The following PCDHA2 variants were observed in gnomAD, a reference collection of about 807,000 sequenced individuals.
PCDHA2 encodes protocadherin alpha-2.
PCDHA2 carries 58 observed loss-of-function variants against 66.0 expected under a neutral mutation model. The observed-to-expected ratio is 0.88, with a 90% confidence interval of 0.71 to 1.09. PCDHA2 has a LOEUF of 1.09. Among genes scored for constraint, PCDHA2 ranks in the 50% least tolerant of loss-of-function variants. The pLI is 0.00. For synonymous variants in PCDHA2, 634 were observed against 554.0 expected, an observed-to-expected ratio of 1.14 and a Z score of -2.03; for missense variants, 1,267 against 1,242.3, an observed-to-expected ratio of 1.02 and a Z score of -0.30.
chr5:141,010,016 CT>C lies in PCDHA2; in HGVS notation c.*84del. 1 of 1,572,200 alleles carries C rather than the reference CT, an allele frequency of 6.4e-7. No homozygotes were observed. The highest frequency in any genetic ancestry group is 8.6e-7 in the Non-Finnish European group (1 of 1,163,240). On this transcript the variant is annotated 3_prime_UTR_variant, in exon 4 of 4. Transcript: ENST00000526136. Reference sequence around the variant, plus strand: ...TCTCCCATGTAGCAATTCCCTGCTCCTTTTTCCTATCTACATGAGCCCTCTT... The same window carrying C: ...TCTCCCATGTAGCAATTCCCTGCTCCTTTTCCTATCTACATGAGCCCTCTT...
At chr5:140,826,181 T>C (rs2150142840) in intron 1 of PCDHA2, among the ~76,000 whole-genome samples, 1 of 152,354 alleles carries the variant, frequency 6.6e-6, no homozygotes, top group Admixed American at 6.5e-5. Context: ...ATTCTATAAA[T>C]CTAAAGTTAA....
intron 1 of PCDHA2, among the ~76,000 whole-genome samples, chr5:140,915,626 G>C (rs928151112): frequency 6.1e-5 from 9 of 146,436 alleles, no homozygotes; most frequent in East Asian, 4.1e-4. Flanking sequence ...GTCTCTTTCT[G>C]TCTCTCTCTC....
At chr5:141,004,156 A>G (rs2098155888) in intron 3 of PCDHA2, among the ~76,000 whole-genome samples, 1 of 152,248 alleles carries the variant, frequency 6.6e-6, no homozygotes, top group Admixed American at 6.5e-5. Flanking sequence ...GACATTTTAT[A>G]GGCAAAGCCA....
chr5:140,807,812 T>G, intron 1 of PCDHA2: 1 of 1,614,156 alleles, frequency 6.2e-7, no homozygotes, highest in African/African-American at 1.3e-5. Flanking sequence ...TCCGGAGATT[T>G]TTTTAGTGCT....
intron 1 of PCDHA2, among the ~76,000 whole-genome samples, chr5:140,959,018 A>T (rs1374346226): frequency 6.6e-6 from 1 of 152,078 alleles, no homozygotes; most frequent in Non-Finnish European, 1.5e-5. Flanking sequence ...TTTATACATT[A>T]AGCTTTATCA....
chr5:140,968,232 G>T, intron 1 of PCDHA2: 2 of 1,613,990 alleles, frequency 1.2e-6, no homozygotes, highest in Non-Finnish European at 1.7e-6. Context: ...GTGTTGCTCT[G>T]TACTGTGCAA....
intron 1 of PCDHA2, chr5:140,803,344 T>A: frequency 6.2e-7 from 1 of 1,614,200 alleles, no homozygotes; most frequent in Middle Eastern, 1.6e-4. Flanking sequence ...CTCACACTGC[T>A]GCTATATACT....
At chr5:140,869,772 T>A (rs1554163433) in intron 1 of PCDHA2, 1 of 1,613,190 alleles carries the variant, frequency 6.2e-7, no homozygotes, top group Non-Finnish European at 8.5e-7. Context: ...CAGAGCTTAC[T>A]GGCACCGTTC....
Position 140,795,261 on chromosome 5 carries a change from C to A in PCDHA2, c.297C>A (p.Ser99Arg), listed in dbSNP as rs1307136021. Residue 99 changes from serine to arginine, a missense_variant, in exon 1 of 4, where the codon AGC (serine) becomes AGA (arginine). By Grantham distance (110) the Ser-to-Arg change is moderately radical. Transcript: ENST00000526136. ...RIDREELCGR[S>R]AECSIHVEVI... is the part of the protein sequence containing the mutation. ...ACCGGGAGGAGCTGTGCGGGCGGAG[C>A]GCGGAATGTAGCATCCACGTGGAGG... The A allele has an allele frequency of 6.2e-7, 1 of 1,614,168 alleles. No individual in the cohort carries two copies. The highest frequency in any genetic ancestry group is 1.1e-5 in the South Asian group (1 of 91,080).
chr5:140,808,765 G>A (rs1409936636), intron 1 of PCDHA2: 8 of 1,612,208 alleles, frequency 5.0e-6, no homozygotes, highest in Non-Finnish European at 6.8e-6. Flanking sequence ...TGGACCACGA[G>A]GAGCTAGAGC....
intron 1 of PCDHA2, chr5:140,860,925 G>A (rs2046658234): frequency 6.6e-6 from 1 of 152,286 alleles, no homozygotes; most frequent in Non-Finnish European, 1.5e-5. Context: ...TTTTAGTAGA[G>A]ACGAGGTTTC....
chr5:140,896,687 T>G (rs782089227), intron 1 of PCDHA2, among the ~76,000 whole-genome samples: 2 of 152,170 alleles, frequency 1.3e-5, no homozygotes, highest in Non-Finnish European at 2.9e-5. Context: ...CTTTGCCCAT[T>G]TTTTGATGAG....
intron 1 of PCDHA2, among the ~76,000 whole-genome samples, chr5:140,826,618 T>C (rs935970979): frequency 1.3e-5 from 2 of 152,148 alleles, no homozygotes; most frequent in African/African-American, 4.8e-5. Context: ...GCGAAGTTGA[T>C]ATTTGGCCCT....
intron 2 of PCDHA2, 129 bp from the exon 3 acceptor site, chr5:140,982,346 G>A: frequency 1.3e-6 from 2 of 1,492,346 alleles, no homozygotes; most frequent in South Asian, 2.7e-5. Context: ...AATTGCTTCA[G>A]TTCAAGCATG....
intron 1 of PCDHA2, chr5:140,883,651 G>T: frequency 6.2e-7 from 1 of 1,613,652 alleles, no homozygotes. Context: ...CCGAGTACAC[G>T]GTGTTCGTGA....
In PCDHA2 at chr5:141,010,806, C is replaced by T. The variant is rs1404036886; in HGVS notation, c.*869C>T. ...GCAAAAGCAAAAGAAAACCCCGACA[C>T]CTCACCTTTCGCTGTTTGTTGTTTC... On this transcript the variant is annotated 3_prime_UTR_variant, in exon 4 of 4. Transcript: ENST00000526136. 2 of 153,736 alleles carry T rather than the reference C, an allele frequency of 1.3e-5. No individual in the cohort carries two copies. Among genetic ancestry groups the T allele is most frequent in the Non-Finnish European group, 1.5e-5 (1 of 68,048 alleles). 9.5% of individuals were successfully genotyped at this position (153,736 alleles called of 1,614,324 possible).
intron 1 of PCDHA2, chr5:140,857,783 C>G: frequency 1.3e-6 from 2 of 1,597,710 alleles, no homozygotes; most frequent in Middle Eastern, 1.7e-4. Flanking sequence ...AGTCAGTGAG[C>G]TGGTGCTGCG....
Position 140,850,923 on chromosome 5 carries a change from A to T in PCDHA2, c.2388+53571A>T, listed in dbSNP as rs2150502523. The stretch of plus-strand genomic sequence containing the variant: ...TTCTAGCATTTTATTTATTTATATA[A>T]TTTTTTTTCTTGAAAGATATTATCG... On this transcript the variant is annotated intron_variant, in intron 1 of 3. Transcript: ENST00000526136. 9.9e-6 allele frequency: 15 copies of T among 1,521,828 alleles called. 1 individual carries two copies. In the African/African-American group the frequency reaches 1.4e-4, roughly 14 times the overall value. The allele number at this position is 1,521,828 out of a possible 1,614,324, so 94.3% of individuals were successfully genotyped here.
chr5:140,991,386 G>T (rs1044991848), intron 3 of PCDHA2, among the ~76,000 whole-genome samples: 2 of 152,168 alleles, frequency 1.3e-5, no homozygotes, highest in African/African-American at 4.8e-5. Context: ...CAACTGTAGG[G>T]TGTCTGTATT....
Sources: allele counts gnomAD v4.1 joint callset (sites outside exome capture counted in the v4.1 genomes callset), GRCh38; gene constraint gnomAD v4.1.1; transcripts MANE v1.5; gene names NCBI Gene and HGNC (gene_info 2026-07-23, HGNC 2026-07-21).